Variants in NAP1L1 observed in about 807,000 individuals in gnomAD.
The protein encoded by NAP1L1 is nucleosome assembly protein 1-like 1.
Under a neutral mutation model 58.9 loss-of-function variants are expected in NAP1L1, and 9 were observed. That is an observed-to-expected ratio of 0.15 (90% CI 0.09 to 0.27). The LOEUF is 0.27. Ranked by LOEUF, NAP1L1 falls within the 10% of genes least tolerant of loss-of-function variation. The probability of loss-of-function intolerance (pLI) is 1.00; values close to 1 mark genes in which losing one functional copy is unlikely to be tolerated. For missense variants in NAP1L1, 302 were observed against 458.8 expected, an observed-to-expected ratio of 0.66 and a Z score of 3.12; for synonymous variants, 130 against 138.3, an observed-to-expected ratio of 0.94 and a Z score of 0.42.
chr12:76,060,526 C>A (rs1007803353), intron 4 of NAP1L1, among the ~76,000 whole-genome samples: 4 of 152,164 alleles, frequency 2.6e-5, no homozygotes, highest in African/African-American at 7.2e-5. Flanking sequence ...AACCCTAAAT[C>A]TTTACCCAAG....
At chr12:76,063,317 G>C (rs1350349881) in intron 4 of NAP1L1, among the ~76,000 whole-genome samples, 1 of 152,126 alleles carries the variant, frequency 6.6e-6, no homozygotes, top group African/African-American at 2.4e-5. Context: ...TAGGTTATAA[G>C]CCACTACCAT....
intron 5 of NAP1L1, 95 bp downstream of exon 5, chr12:76,060,043 G>T (rs1213045910): frequency 7.4e-7 from 1 of 1,352,720 alleles, no homozygotes; most frequent in Non-Finnish European, 1.0e-6. Context: ...CAATTTCAAT[G>T]AGAGTTCTAA....
chr12:76,049,477 G>T, intron 13 of NAP1L1: 1 of 1,535,622 alleles, frequency 6.5e-7, no homozygotes, highest in Non-Finnish European at 8.7e-7. Context: ...TGCAGCCAAC[G>T]TTGGAAAAGT....
At chr12:76,083,742 ACATC>A (rs1950499839) in intron 1 of NAP1L1, 2 of 152,274 alleles carry the variant, frequency 1.3e-5, no homozygotes, top group Admixed American at 1.3e-4. Flanking sequence ...TCATCAGCTA[ACATC>A]CACAATCTCT....
intron 1 of NAP1L1, among the ~76,000 whole-genome samples, chr12:76,077,982 A>G (rs1453887596): frequency 6.8e-6 from 1 of 146,018 alleles, no homozygotes; most frequent in African/African-American, 2.6e-5. Flanking sequence ...CCCTGTCTCA[A>G]AAAAAAAAAA....
rs1296355015 is a variant in NAP1L1 at position 76,046,825 on chromosome 12, G to A, written c.*1604C>T. On this transcript the variant is annotated 3_prime_UTR_variant, in exon 15 of 15. Coordinates refer to ENST00000618691, the MANE Select transcript of NAP1L1 (RefSeq NM_004537.7). ...GTAATTAGCCTGAGGTATTGTAAATGTGGCTCTACAGTCTGAAATTTAATG... is the reference window on the plus strand; with the variant it reads ...GTAATTAGCCTGAGGTATTGTAAATATGGCTCTACAGTCTGAAATTTAATG... 1 of 152,478 alleles carries A rather than the reference G, an allele frequency of 6.6e-6. No individual in the cohort carries two copies. The highest frequency in any genetic ancestry group is 1.5e-5 in the Non-Finnish European group (1 of 67,936). The allele number at this position is 152,478 out of a possible 1,614,324, so 9.4% of individuals were successfully genotyped here. A position where few individuals can be genotyped will look rare whatever the true frequency, so the allele number is the denominator to read the frequency against.
In NAP1L1 at chr12:76,048,120, T is replaced by TTTC. The variant is rs1444589770; in HGVS notation, c.*306_*308dup. 9.1e-6 allele frequency: 3 copies of TTTC among 329,394 alleles called. No individual in the cohort carries two copies. In the Admixed American group the frequency reaches 1.4e-4, roughly 15 times the overall value. The allele number at this position is 329,394 out of a possible 1,614,324, so 20.4% of individuals were successfully genotyped here. On this transcript the variant is annotated 3_prime_UTR_variant, in exon 15 of 15. Coordinates refer to ENST00000618691, the MANE Select transcript of NAP1L1 (RefSeq NM_004537.7). ...AAATTACAAAAAAAAAAAAAAGGTA[T>TTTC]TTCCTTTAACAGTTGTTAATTTTCA...
intron 14 of NAP1L1, 114 bp from the exon 15 acceptor site, chr12:76,048,578 G>T: frequency 1.9e-6 from 2 of 1,039,662 alleles, no homozygotes; most frequent in Non-Finnish European, 3.0e-6. Flanking sequence ...AAAAGAAATG[G>T]TATAGGACAA....
Position 76,038,142 on chromosome 12 carries a change from CAA to C in NAP1L1, c.*10285_*10286del, listed in dbSNP as rs1458660422. On this transcript the variant is annotated 3_prime_UTR_variant, in exon 15 of 15. Transcript: ENST00000618691. ...ATGTTGTCACAAAACTGCAATCACT[CAA>C]AAGTGTTGATATTCTGGCTCTGGGT... The C allele has an allele frequency of 1.3e-5, 2 of 152,116 alleles. No homozygotes were observed. Among genetic ancestry groups the C allele is most frequent in the Non-Finnish European group, 2.9e-5 (2 of 68,026 alleles). The allele number at this position is 152,116 out of a possible 1,614,324, so 9.4% of individuals were successfully genotyped here. A position where few individuals can be genotyped will look rare whatever the true frequency, so the allele number is the denominator to read the frequency against.
rs187535200 is a variant in NAP1L1 at position 76,039,958 on chromosome 12, T to C, written c.*8471A>G. 6.6e-6 allele frequency: 1 copy of C among 152,324 alleles called. No individual in the cohort carries two copies. The highest frequency in any genetic ancestry group is 1.9e-4 in the East Asian group (1 of 5,186). The allele number at this position is 152,324 out of a possible 1,614,324, so 9.4% of individuals were successfully genotyped here. On this transcript the variant is annotated 3_prime_UTR_variant, in exon 15 of 15. Transcript: ENST00000618691. ...GTCTAGTTACATTATACCCAACTTT[T>C]GAAAACACGTGTACTTAAGGGTCAC...
At chr12:76,056,249 CA>C in intron 6 of NAP1L1, 88 bp from the exon 7 acceptor site, 1 of 1,309,572 alleles carries the variant, frequency 7.6e-7, no homozygotes, top group Middle Eastern at 1.9e-4. Flanking sequence ...AAAGCACAGT[CA>C]CCAGATATTA....
intron 4 of NAP1L1, among the ~76,000 whole-genome samples, chr12:76,065,554 C>T (rs1949623173): frequency 6.6e-6 from 1 of 151,434 alleles, no homozygotes; most frequent in African/African-American, 2.4e-5. Flanking sequence ...AAACAGCAAT[C>T]CTCTGTAAAT....
intron 4 of NAP1L1, among the ~76,000 whole-genome samples, chr12:76,062,673 A>G (rs186302575): frequency 6.6e-6 from 1 of 152,340 alleles, no homozygotes; most frequent in Non-Finnish European, 1.5e-5. Context: ...AAAGTCCATG[A>G]TGTTGAAAAG....
Position 76,066,123 on chromosome 12 carries a change from A to G in NAP1L1, c.206+1248T>C, listed in dbSNP as rs1047197275. 1.9e-4 allele frequency among the ~76,000 whole-genome samples: 24 copies of G among 125,196 alleles called. No individual in the cohort carries two copies. In the East Asian group the frequency reaches 5.4e-3, roughly 28 times the overall value. 82.1% of individuals were successfully genotyped at this position (125,196 alleles called of 152,430 possible). ...AAATAAATAAATAAATAAATAAATA[A>G]ATAAATAAATAAATAAACAAACAAA... On this transcript the variant is annotated intron_variant, in intron 4 of 14. Transcript: ENST00000618691.
intron 11 of NAP1L1, among the ~76,000 whole-genome samples, chr12:76,052,465 A>G (rs751136901): frequency 3.3e-5 from 5 of 152,256 alleles, no homozygotes; most frequent in Non-Finnish European, 5.9e-5. Flanking sequence ...CTTAGCCAAG[A>G]GTATTCCAAT....
chr12:76,065,532 T>A (rs1949621338), intron 4 of NAP1L1, among the ~76,000 whole-genome samples: 1 of 142,876 alleles, frequency 7.0e-6, no homozygotes, highest in Non-Finnish European at 1.5e-5. Flanking sequence ...AAGAGCAACT[T>A]AAAAAAAAAA....
At chr12:76,059,603 T>C (rs1370609525) in intron 6 of NAP1L1, 195 bp downstream of exon 6, 7 of 508,170 alleles carry the variant, frequency 1.4e-5, no homozygotes, top group African/African-American at 2.0e-5. Flanking sequence ...CTTATTGCCA[T>C]GCAAATTACA....
At chr12:76,079,987 T>C (rs1950339583) in intron 1 of NAP1L1, among the ~76,000 whole-genome samples, 1 of 152,200 alleles carries the variant, frequency 6.6e-6, no homozygotes, top group Non-Finnish European at 1.5e-5. Context: ...ACACCTGGCC[T>C]CCTGAAAGGA....
At position 76,045,497 on chromosome 12, in the gene NAP1L1, A is replaced by G; in HGVS notation, c.*2932T>C. On this transcript the variant is annotated 3_prime_UTR_variant, in exon 15 of 15. Transcript: ENST00000618691. ...TATCATTAACCTATTCACACAACAA[A>G]AATATTTTTATGAAAGTTAATATAT... The G allele has an allele frequency of 6.6e-6, 1 of 152,070 alleles. No individual in the cohort carries two copies. The highest frequency in any genetic ancestry group is 1.5e-5 in the Non-Finnish European group (1 of 67,912). 9.4% of individuals were successfully genotyped at this position (152,070 alleles called of 1,614,324 possible). A position where few individuals can be genotyped will look rare whatever the true frequency, so the allele number is the denominator to read the frequency against.
Sources: gnomAD v4.1 joint callset for allele counts (sites outside exome capture counted in the v4.1 genomes callset) on GRCh38, gnomAD v4.1.1 for gene constraint, MANE v1.5 for transcripts, NCBI Gene and HGNC (gene_info 2026-07-23, HGNC 2026-07-21) for gene names.